Variants in NALCN observed in about 807,000 individuals in gnomAD.
NALCN encodes sodium leak channel, non-selective.
A neutral mutation model predicts 225.3 loss-of-function variants in NALCN; 111 were observed. That is an observed-to-expected ratio of 0.49 (90% CI 0.42 to 0.58). The LOEUF (loss-of-function observed/expected upper bound fraction) is 0.58. NALCN is among the 20% of genes least tolerant of loss of function. The pLI, the probability that NALCN is intolerant of heterozygous loss-of-function variation, is 0.00. For synonymous variants in NALCN, 764 were observed against 769.0 expected, an observed-to-expected ratio of 0.99 and a Z score of 0.11; for missense variants, 1,378 against 2,202.4, an observed-to-expected ratio of 0.63 and a Z score of 7.49.
intron 7 of NALCN, among the ~76,000 whole-genome samples, chr13:101,297,547 A>T (rs1335158399): frequency 6.6e-6 from 1 of 152,174 alleles, no homozygotes; most frequent in Non-Finnish European, 1.5e-5. Flanking sequence ...GCTCCTTACC[A>T]GGTATGCTAG....
chr13:101,272,057 G>A (rs1397537860), intron 10 of NALCN, among the ~76,000 whole-genome samples: 3 of 151,852 alleles, frequency 2.0e-5, no homozygotes, highest in East Asian at 1.9e-4. Flanking sequence ...GCGTGCATGA[G>A]CATGTATAAG....
intron 7 of NALCN, among the ~76,000 whole-genome samples, chr13:101,304,011 C>T (rs913477286): frequency 6.6e-6 from 1 of 152,134 alleles, no homozygotes; most frequent in East Asian, 1.9e-4. Flanking sequence ...ATTCACTATT[C>T]AGAAGGTATA....
rs1414651451 is a variant in NALCN, at chr13:101,379,006, AGT to A, written c.292-355_292-354del. ...CAGCTCCCTGCCTACAAGAACCAAG[AGT>A]GCACTGTGGTCAACAGGAAGGTCTT... is the stretch of plus-strand genomic sequence containing the variant. On this transcript the variant is annotated intron_variant, in intron 3 of 43. Transcript: ENST00000251127. Among the ~76,000 whole-genome samples, 983 of 152,296 alleles carry A rather than the reference AGT, an allele frequency of 6.5e-3. 7 individuals carry two copies. Among genetic ancestry groups the A allele is most frequent in the African/African-American group, 0.023 (938 of 41,566 alleles).
intron 9 of NALCN, among the ~76,000 whole-genome samples, chr13:101,288,096 C>T (rs1276110076): frequency 6.6e-6 from 1 of 152,124 alleles, no homozygotes. Context: ...AAAGTGGATA[C>T]CTGGCTTGAT....
At chr13:101,124,377 T>C (rs560617952) in intron 18 of NALCN, among the ~76,000 whole-genome samples, 4 of 152,298 alleles carry the variant, frequency 2.6e-5, no homozygotes, top group East Asian at 3.9e-4. Context: ...ATACTTATCA[T>C]TTATGTTTAA....
chr13:101,223,529 G>A (rs984174039), intron 13 of NALCN, among the ~76,000 whole-genome samples: 2 of 152,028 alleles, frequency 1.3e-5, no homozygotes, highest in South Asian at 2.1e-4. Context: ...ATCTGATAAT[G>A]GCCCTGAATT....
At chr13:101,290,756 A>T (rs1234400625) in intron 9 of NALCN, among the ~76,000 whole-genome samples, 2 of 152,216 alleles carry the variant, frequency 1.3e-5, no homozygotes, top group Admixed American at 6.5e-5. Flanking sequence ...GGTTTTCAAA[A>T]GTAAAATTTG....
At chr13:101,265,890 A>G (rs1223604980) in intron 10 of NALCN, among the ~76,000 whole-genome samples, 1 of 152,216 alleles carries the variant, frequency 6.6e-6, no homozygotes, top group Non-Finnish European at 1.5e-5. Context: ...CAGCTTCCTC[A>G]CCAAGTATTT....
At chr13:101,210,168 C>T (rs915698806) in intron 13 of NALCN, among the ~76,000 whole-genome samples, 1 of 152,102 alleles carries the variant, frequency 6.6e-6, no homozygotes, top group African/African-American at 2.4e-5. Flanking sequence ...TAGAGGGGGT[C>T]CCTCTCTCCT....
intron 7 of NALCN, among the ~76,000 whole-genome samples, chr13:101,309,196 TG>T: frequency 6.6e-6 from 1 of 152,272 alleles, no homozygotes; most frequent in East Asian, 1.9e-4. Flanking sequence ...CCAAATAAAA[TG>T]TTAAAATACA....
At position 101,232,061 on chromosome 13, in the gene NALCN, C is replaced by G. The variant is rs566021569; in HGVS notation, c.1435-2477G>C. 1.1e-3 allele frequency among the ~76,000 whole-genome samples: 162 copies of G among 150,728 alleles called. 1 individual carries two copies. The highest frequency in any genetic ancestry group is 3.7e-3 in the African/African-American group (151 of 40,966). ...AAGAGTCACACAAACTCTTACAGAG[C>G]TCCTGGGAGCCATCTTTGCCTTCAC... On this transcript the variant is annotated intron_variant, in intron 12 of 43. Coordinates refer to ENST00000251127, the MANE Select transcript of NALCN (RefSeq NM_052867.4).
At chr13:101,258,347 T>C (rs1054891170) in intron 11 of NALCN, 96 bp downstream of exon 11, 2 of 1,498,260 alleles carry the variant, frequency 1.3e-6, no homozygotes, top group Non-Finnish European at 1.8e-6. Flanking sequence ...AGTCAAGTAA[T>C]GAACAGGCTA....
intron 6 of NALCN, among the ~76,000 whole-genome samples, chr13:101,345,920 A>T (rs1279179868): frequency 6.8e-6 from 1 of 147,996 alleles, no homozygotes; most frequent in Non-Finnish European, 1.5e-5. Context: ...TTAAGACTGA[A>T]GCGAAGATGG....
intron 41 of NALCN, among the ~76,000 whole-genome samples, chr13:101,061,359 T>G (rs1434193400): frequency 1.3e-5 from 2 of 151,290 alleles, no homozygotes; most frequent in Non-Finnish European, 2.9e-5. Context: ...GTTTAATAAA[T>G]GGACATCATA....
chr13:101,381,026 G>A (rs542291281), intron 3 of NALCN, among the ~76,000 whole-genome samples: 6 of 152,144 alleles, frequency 3.9e-5, no homozygotes, highest in Admixed American at 3.9e-4. Context: ...TTAATTCTAT[G>A]GGGAGTTTAG....
intron 17 of NALCN, among the ~76,000 whole-genome samples, chr13:101,125,577 A>G (rs183734019): frequency 9.3e-4 from 141 of 152,304 alleles, no homozygotes; most frequent in African/African-American, 3.3e-3. Context: ...TAGCCTAGAT[A>G]GGAAGACAAG....
chr13:101,391,328 G>A (rs924158033), intron 3 of NALCN, among the ~76,000 whole-genome samples: 2 of 152,134 alleles, frequency 1.3e-5, no homozygotes, highest in Non-Finnish European at 2.9e-5. Flanking sequence ...ATAAATAGGG[G>A]ATAATTTCCT....
intron 7 of NALCN, among the ~76,000 whole-genome samples, chr13:101,325,441 C>T (rs2044914362): frequency 6.6e-6 from 1 of 152,176 alleles, no homozygotes; most frequent in Non-Finnish European, 1.5e-5. Flanking sequence ...CAACGATTCA[C>T]AAATCCTCTT....
chr13:101,406,870 T>C (rs1194628768), intron 1 of NALCN, among the ~76,000 whole-genome samples: 1 of 152,206 alleles, frequency 6.6e-6, no homozygotes, highest in South Asian at 2.1e-4. Context: ...TCTCACCCCA[T>C]GTAGTGAAGA....
Sources: gnomAD v4.1 joint callset for allele counts (sites outside exome capture counted in the v4.1 genomes callset) on GRCh38, gnomAD v4.1.1 for gene constraint, MANE v1.5 for transcripts, NCBI Gene and HGNC (gene_info 2026-07-23, HGNC 2026-07-21) for gene names.